The following MYO16 variants were observed in gnomAD, a reference collection of about 807,000 sequenced individuals.
The protein encoded by MYO16 is unconventional myosin-XVI.
Under a neutral mutation model 205.3 loss-of-function variants are expected in MYO16, and 94 were observed. That is an observed-to-expected ratio of 0.46 (90% CI 0.39 to 0.54). The LOEUF (loss-of-function observed/expected upper bound fraction) is 0.54. MYO16 is among the 20% of genes least tolerant of loss of function. The probability of loss-of-function intolerance (pLI) is 0.00; values close to 1 mark genes in which losing one functional copy is unlikely to be tolerated. For missense variants in MYO16, 2,315 were observed against 2,387.5 expected (o/e 0.97, Z 0.63); for synonymous variants, 988 against 954.0 (o/e 1.04, Z -0.66).
intron 1 of MYO16, among the ~76,000 whole-genome samples, chr13:108,646,535 C>A (rs79871575): frequency 0.015 from 2,294 of 152,218 alleles, 31 homozygotes; most frequent in Non-Finnish European, 0.021. Flanking sequence ...TGGCATTAAG[C>A]CTTCATCTTT....
intron 16 of MYO16, among the ~76,000 whole-genome samples, chr13:108,933,305 A>C (rs1389915380): frequency 6.6e-6 from 1 of 152,190 alleles, no homozygotes; most frequent in Non-Finnish European, 1.5e-5. Flanking sequence ...GCCTGAGAGC[A>C]TGCTTTCAGC....
chr13:109,022,145 A>G (rs529346007), intron 23 of MYO16, among the ~76,000 whole-genome samples: 2 of 90,854 alleles, frequency 2.2e-5, no homozygotes, highest in African/African-American at 1.2e-4. Flanking sequence ...ATATATATTT[A>G]TATATACAAA....
intron 32 of MYO16, among the ~76,000 whole-genome samples, chr13:109,160,296 G>A (rs151065973): frequency 3.9e-5 from 6 of 152,246 alleles, no homozygotes; most frequent in South Asian, 2.1e-4. Flanking sequence ...CGAATTTTTT[G>A]TATCAACATT....
chr13:108,894,918 G>A (rs182104672), intron 14 of MYO16, among the ~76,000 whole-genome samples: 4 of 152,302 alleles, frequency 2.6e-5, no homozygotes, highest in African/African-American at 9.6e-5. Context: ...TATTGGAACA[G>A]AAAAGTCATG....
chr13:109,189,720 A>G (rs905979553), intron 34 of MYO16, among the ~76,000 whole-genome samples: 4 of 152,166 alleles, frequency 2.6e-5, no homozygotes, highest in Admixed American at 6.5e-5. Context: ...TGCTAACTCA[A>G]TATTTACAAT....
chr13:109,049,695 A>T (rs1887174506), intron 24 of MYO16, among the ~76,000 whole-genome samples: 1 of 152,112 alleles, frequency 6.6e-6, no homozygotes, highest in Non-Finnish European at 1.5e-5. Flanking sequence ...TCACTTATAC[A>T]TAGACCTGCT....
At position 108,687,813 on chromosome 13, in the gene MYO16, A is replaced by G. The variant is rs551015446; in HGVS notation, c.292+21664A>G. 7.2e-5 allele frequency among the ~76,000 whole-genome samples: 11 copies of G among 152,200 alleles called. No homozygotes were observed. The South Asian group carries it at 8.3e-4, about 11-fold the overall frequency. ...CCAAAGTTTGCATTGGTAGAAGTACATTATCTAAAACGAGGGAGGCAGAAG... is the reference window on the plus strand; with the variant it reads ...CCAAAGTTTGCATTGGTAGAAGTACGTTATCTAAAACGAGGGAGGCAGAAG... On this transcript the variant is annotated intron_variant, in intron 2 of 34. Transcript: ENST00000457511.
chr13:109,083,848 A>G, intron 27 of MYO16, among the ~76,000 whole-genome samples: 1 of 152,208 alleles, frequency 6.6e-6, no homozygotes, highest in Non-Finnish European at 1.5e-5. Context: ...AGTCTGTCAA[A>G]GAGATGGAGT....
the MYO16 span, among the ~76,000 whole-genome samples, chr13:108,573,215 T>G: frequency 0.033 from 4,995 of 152,128 alleles, 247 homozygotes; most frequent in African/African-American, 0.11. Context: ...CAGCAACAAG[T>G]GGGAGGGATG....
At position 108,972,382 on chromosome 13, in the gene MYO16, A is replaced by C. The variant is rs1426444873; in HGVS notation, c.2369+7480A>C. On this transcript the variant is annotated intron_variant, in intron 20 of 34. Coordinates refer to ENST00000457511, the MANE Select transcript of MYO16 (RefSeq NM_001198950.3). Reference sequence around the variant, plus strand: ...TATATATATATATATATATATATATATATATATATATATATAGTGGCTGGT... The same window carrying C: ...TATATATATATATATATATATATATCTATATATATATATATAGTGGCTGGT... Among the ~76,000 whole-genome samples, 9 of 58,854 alleles carry C rather than the reference A, an allele frequency of 1.5e-4. 1 individual carries two copies. In the South Asian group the frequency reaches 1.7e-3, roughly 11 times the overall value. The allele number at this position is 58,854 out of a possible 152,430, so 38.6% of individuals were successfully genotyped here.
chr13:108,773,098 G>A (rs2391690), intron 4 of MYO16, among the ~76,000 whole-genome samples: 78,508 of 151,886 alleles, frequency 0.52, 20,846 homozygotes, highest in East Asian at 0.87. Context: ...TAGAAAAGGC[G>A]AGGGAGCCGT....
chr13:109,054,272 G>GAA (rs35431107), intron 25 of MYO16: 13 of 357,974 alleles, frequency 3.6e-5, no homozygotes, highest in Non-Finnish European at 6.2e-5. Context: ...TTGCTTATTT[G>GAA]AAAAAAAATA....
chr13:108,886,300 T>C (rs918405837), intron 13 of MYO16: 2 of 403,322 alleles, frequency 5.0e-6, no homozygotes, highest in Non-Finnish European at 5.0e-6. Context: ...CTTTGGGTCA[T>C]TTTTTAAAGT....
At chr13:109,066,818 A>C (rs1887763267) in intron 27 of MYO16, among the ~76,000 whole-genome samples, 1 of 152,152 alleles carries the variant, frequency 6.6e-6, no homozygotes, top group Non-Finnish European at 1.5e-5. Flanking sequence ...GCTCAAGGGC[A>C]ACTAAACCTT....
intron 27 of MYO16, among the ~76,000 whole-genome samples, chr13:109,056,851 A>T (rs970171689): frequency 6.6e-6 from 1 of 152,182 alleles, no homozygotes; most frequent in Non-Finnish European, 1.5e-5. Context: ...AATAAATGAG[A>T]TCTTAAAATA....
At chr13:108,985,290 T>G (rs1405092307) in intron 20 of MYO16, among the ~76,000 whole-genome samples, 2 of 152,234 alleles carry the variant, frequency 1.3e-5, no homozygotes, top group Non-Finnish European at 2.9e-5. Flanking sequence ...TTAATTGACG[T>G]GCATGGTCAG....
chr13:109,108,784 T>C (rs765375149), intron 28 of MYO16, among the ~76,000 whole-genome samples: 2 of 151,972 alleles, frequency 1.3e-5, no homozygotes, highest in Admixed American at 6.6e-5. Context: ...GGCCCAGATC[T>C]GAAGGGTGAG....
In MYO16 at chr13:108,911,034, AACACACACACAC is replaced by A. The variant is rs113296282; in HGVS notation, c.1925+906_1925+917del. 4.3e-5 allele frequency among the ~76,000 whole-genome samples: 6 copies of A among 138,552 alleles called. No homozygotes were observed. In the East Asian group the frequency reaches 6.3e-4, roughly 15 times the overall value. The allele number at this position is 138,552 out of a possible 152,430, so 90.9% of individuals were successfully genotyped here. A position where few individuals can be genotyped will look rare whatever the true frequency, so the allele number is the denominator to read the frequency against. ...TGAGAAAAAGGATGCTATAGGAGAA[AACACACACACAC>A]ACACACACACACACACACACAGAGA... On this transcript the variant is annotated intron_variant, in intron 16 of 34. Coordinates refer to ENST00000457511, the MANE Select transcript of MYO16 (RefSeq NM_001198950.3).
rs764124652 is a variant in MYO16 at position 109,052,424 on chromosome 13, G to T, written c.2997G>T (p.Met999Ile). ...AGTCTGCCCTGCTCAGTAAGAAAAT[G>T]ACAGCTTCTTCAATTATTGGAGAAA... is the stretch of plus-strand genomic sequence containing the variant. The part of the protein sequence containing the change: ...GHKSALLSKK[M>I]TASSIIGENK... The change falls in exon 25 of 35, where the codon ATG becomes ATT. Residue 999 changes from methionine (M) to isoleucine (I), a missense_variant. Met to Ile is a conservative substitution (Grantham distance 10). Coordinates refer to ENST00000457511, the MANE Select transcript of MYO16 (RefSeq NM_001198950.3). The T allele has an allele frequency of 1.2e-6, 2 of 1,612,256 alleles. No homozygotes were observed. The highest frequency in any genetic ancestry group is 1.7e-6 in the Non-Finnish European group (2 of 1,178,786).
Sources: allele counts gnomAD v4.1 joint callset (sites outside exome capture counted in the v4.1 genomes callset), GRCh38; gene constraint gnomAD v4.1.1; transcripts MANE v1.5; gene names NCBI Gene and HGNC (gene_info 2026-07-23, HGNC 2026-07-21).